The following NALCN variants were observed in gnomAD, a reference collection of about 807,000 sequenced individuals.
The protein encoded by NALCN is sodium leak channel, non-selective.
NALCN carries 111 observed loss-of-function variants against 225.3 expected under a neutral mutation model. The observed-to-expected ratio is 0.49, with a 90% CI of 0.42 to 0.58. The LOEUF (loss-of-function observed/expected upper bound fraction) is 0.58, where lower values mean the gene tolerates loss of function less well. NALCN is among the 20% of genes least tolerant of loss of function. NALCN has a pLI of 0.00. For synonymous variants in NALCN, 764 were observed against 769.0 expected, an observed-to-expected ratio of 0.99 and a Z score of 0.11; for missense variants, 1,378 against 2,202.4, an observed-to-expected ratio of 0.63 and a Z score of 7.49.
At chr13:101,241,802 C>CATCATCT (rs1490608522) in intron 11 of NALCN, among the ~76,000 whole-genome samples, 25 of 109,060 alleles carry the variant, frequency 2.3e-4, no homozygotes, top group South Asian at 1.2e-3. Flanking sequence ...CCATCCTTTC[C>CATCATCT]CTCTGAGGGA....
intron 37 of NALCN, among the ~76,000 whole-genome samples, chr13:101,071,877 A>C (rs2032914761): frequency 6.6e-6 from 1 of 152,132 alleles, no homozygotes; most frequent in African/African-American, 2.4e-5. Flanking sequence ...TGATGTGTGA[A>C]TCTTCTATTC....
At chr13:101,347,128 C>T (rs926542543) in intron 6 of NALCN, among the ~76,000 whole-genome samples, 7 of 144,310 alleles carry the variant, frequency 4.9e-5, no homozygotes, top group African/African-American at 1.3e-4. Flanking sequence ...CATACACACA[C>T]GTACATAGTT....
intron 26 of NALCN, among the ~76,000 whole-genome samples, chr13:101,102,946 A>G (rs1311336863): frequency 3.3e-5 from 5 of 152,212 alleles, no homozygotes; most frequent in Admixed American, 6.5e-5. Flanking sequence ...AACTCTTTCA[A>G]ATCTCAGAGT....
At chr13:101,401,115 A>G (rs973418489) in intron 1 of NALCN, among the ~76,000 whole-genome samples, 1 of 152,188 alleles carries the variant, frequency 6.6e-6, no homozygotes, top group East Asian at 1.9e-4. Flanking sequence ...CTATTCCCAG[A>G]AGAAAACAAG....
intron 7 of NALCN, among the ~76,000 whole-genome samples, chr13:101,306,292 C>T (rs141305149): frequency 7.2e-5 from 11 of 152,316 alleles, no homozygotes; most frequent in East Asian, 5.8e-4. Context: ...GTATCTATCA[C>T]GCATTGCTAG....
chr13:101,360,240 T>G (rs2046214542), intron 6 of NALCN, among the ~76,000 whole-genome samples: 1 of 136,912 alleles, frequency 7.3e-6, no homozygotes, highest in Non-Finnish European at 1.6e-5. Flanking sequence ...CCTTCCTTCC[T>G]TCCTTCCTTC....
At chr13:101,176,229 T>C (rs2038951892) in intron 15 of NALCN, 71 bp downstream of exon 15, 3 of 1,126,192 alleles carry the variant, frequency 2.7e-6, no homozygotes, top group Non-Finnish European at 2.4e-6. Context: ...ATTTTTAATA[T>C]TGCCTATAAG....
chr13:101,240,558 T>G (rs1277159039), intron 11 of NALCN, among the ~76,000 whole-genome samples: 2 of 152,056 alleles, frequency 1.3e-5, no homozygotes, highest in Non-Finnish European at 2.9e-5. Flanking sequence ...TTATTTCATT[T>G]TTAAGATTTA....
At chr13:101,221,031 A>G (rs2040917154) in intron 13 of NALCN, among the ~76,000 whole-genome samples, 1 of 152,226 alleles carries the variant, frequency 6.6e-6, no homozygotes, top group South Asian at 2.1e-4. Flanking sequence ...TTGATGCACA[A>G]TCGGACTTGT....
At chr13:101,267,068 AGTGGACACCCTGCCAGCT>A (rs1002736980) in intron 10 of NALCN, among the ~76,000 whole-genome samples, 12 of 152,312 alleles carry the variant, frequency 7.9e-5, no homozygotes, top group African/African-American at 2.2e-4. Flanking sequence ...CTATGATTTC[AGTGGACACCCTGCCAGCT>A]GCCACGCCCT....
intron 7 of NALCN, among the ~76,000 whole-genome samples, chr13:101,294,516 G>T (rs1033614552): frequency 1.4e-5 from 2 of 142,446 alleles, no homozygotes; most frequent in Non-Finnish European, 3.1e-5. Flanking sequence ...CTTAAATATA[G>T]TTAATGTTTT....
chr13:101,134,515 T>C (rs1002348547), intron 17 of NALCN, among the ~76,000 whole-genome samples: 3 of 152,262 alleles, frequency 2.0e-5, no homozygotes, highest in South Asian at 2.1e-4. Flanking sequence ...TATTTGAAAA[T>C]TGAATTAATT....
At chr13:101,055,565 T>C (rs1749423269) in intron 43 of NALCN, 77 bp from the exon 44 acceptor site, 1 of 1,264,814 alleles carries the variant, frequency 7.9e-7, no homozygotes. Flanking sequence ...ACCCATGATA[T>C]TCCCATCAGT....
chr13:101,095,485 C>G (rs2034452375), intron 28 of NALCN, 89 bp downstream of exon 28: 4 of 1,032,290 alleles, frequency 3.9e-6, no homozygotes, highest in Non-Finnish European at 5.7e-6. Context: ...AGCAAAACTA[C>G]TTTTAGTTAC....
intron 6 of NALCN, among the ~76,000 whole-genome samples, chr13:101,357,588 T>C (rs1176409146): frequency 6.6e-6 from 1 of 151,988 alleles, no homozygotes; most frequent in South Asian, 2.1e-4. Context: ...AGAATCAATA[T>C]CATGAAAATG....
In NALCN at chr13:101,378,567, T is replaced by C; in HGVS notation, c.375+3A>G. 1 of 1,590,642 alleles carries C rather than the reference T, an allele frequency of 6.3e-7. No individual in the cohort carries two copies. Among genetic ancestry groups the C allele is most frequent in the Non-Finnish European group, 8.6e-7 (1 of 1,168,748 alleles). ...GCTTGTAATTTAAAAAATATTTAATTACCTGTAGCACCAAAGAAACCCAAA... is the reference window on the plus strand; with the variant it reads ...GCTTGTAATTTAAAAAATATTTAATCACCTGTAGCACCAAAGAAACCCAAA... On this transcript the variant is annotated splice_donor_region_variant and intron_variant, in intron 4 of 43. Coordinates refer to ENST00000251127, the MANE Select transcript of NALCN (RefSeq NM_052867.4).
intron 26 of NALCN, 92 bp downstream of exon 26, chr13:101,103,080 T>C (rs2034909289): frequency 6.9e-7 from 1 of 1,444,998 alleles, no homozygotes; most frequent in Non-Finnish European, 9.4e-7. Flanking sequence ...AACTATTGAA[T>C]TGACCTCAAT....
At chr13:101,251,030 A>T (rs2042047637) in intron 11 of NALCN, among the ~76,000 whole-genome samples, 1 of 152,070 alleles carries the variant, frequency 6.6e-6, no homozygotes, top group African/African-American at 2.4e-5. Context: ...CTGCTCATAT[A>T]TCCTGGTAGG....
intron 15 of NALCN, among the ~76,000 whole-genome samples, chr13:101,165,713 C>T (rs1044047380): frequency 6.6e-6 from 1 of 152,228 alleles, no homozygotes; most frequent in Non-Finnish European, 1.5e-5. Context: ...TGGGCTCAAA[C>T]AATGTGCTTA....
Sources: gnomAD v4.1 joint callset for allele counts (sites outside exome capture counted in the v4.1 genomes callset) on GRCh38, gnomAD v4.1.1 for gene constraint, MANE v1.5 for transcripts, NCBI Gene and HGNC (gene_info 2026-07-23, HGNC 2026-07-21) for gene names.